STXBP6: variants seen among roughly 807,000 people sequenced by gnomAD.
STXBP6 encodes the protein syntaxin binding protein 6.
Under a neutral mutation model 26.9 loss-of-function variants are expected in STXBP6, and 21 were observed. That is an observed-to-expected ratio of 0.78 (90% confidence interval 0.55 to 1.12). STXBP6 has a LOEUF of 1.12. Ranked by LOEUF, STXBP6 falls within the 50% of genes most tolerant of loss-of-function variation. The probability of loss-of-function intolerance (pLI) is 0.00; values close to 1 mark genes in which losing one functional copy is unlikely to be tolerated. For missense variants in STXBP6, 232 were observed against 257.9 expected (o/e 0.90, Z 0.69); for synonymous variants, 97 against 92.6 (o/e 1.05, Z -0.27).
intron 2 of STXBP6, among the ~76,000 whole-genome samples, chr14:24,866,470 C>T (rs1161955656): frequency 6.6e-6 from 1 of 151,880 alleles, no homozygotes; most frequent in Admixed American, 6.6e-5. Context: ...TATATACACT[C>T]ATTCTATTGG....
At chr14:24,881,995 C>A (rs1056711396) in intron 2 of STXBP6, among the ~76,000 whole-genome samples, 1 of 152,102 alleles carries the variant, frequency 6.6e-6, no homozygotes, top group Admixed American at 6.5e-5. Context: ...GCAGGGCCCT[C>A]CTCTCACTAT....
chr14:24,983,200 C>T (rs1244243410), intron 1 of STXBP6, among the ~76,000 whole-genome samples: 2 of 152,104 alleles, frequency 1.3e-5, no homozygotes, highest in Admixed American at 6.5e-5. Context: ...GTGAATTGAA[C>T]CACATCAAAA....
chr14:24,875,169 CT>C (rs758717408), intron 2 of STXBP6, among the ~76,000 whole-genome samples: 1 of 152,114 alleles, frequency 6.6e-6, no homozygotes, highest in Non-Finnish European at 1.5e-5. Context: ...CCCATTCTGC[CT>C]ACCTGTCCAT....
intron 5 of STXBP6, 98 bp from the exon 6 acceptor site, chr14:24,812,830 G>A: frequency 8.6e-7 from 1 of 1,169,586 alleles, no homozygotes; most frequent in South Asian, 1.3e-5. Flanking sequence ...ACAATGAGAA[G>A]CAGCACCAAG....
At chr14:25,018,541 CTCTA>C (rs1430076212) in intron 1 of STXBP6, among the ~76,000 whole-genome samples, 1 of 152,204 alleles carries the variant, frequency 6.6e-6, no homozygotes, top group Non-Finnish European at 1.5e-5. Context: ...TCTCCTGACA[CTCTA>C]TCTCTTTCTC....
At chr14:24,988,795 G>C (rs551023626) in intron 1 of STXBP6, among the ~76,000 whole-genome samples, 1 of 152,282 alleles carries the variant, frequency 6.6e-6, no homozygotes, top group Non-Finnish European at 1.5e-5. Context: ...AACCCTTGTA[G>C]AAGAGCAAGA....
chr14:24,877,998 T>C (rs567509973), intron 2 of STXBP6, among the ~76,000 whole-genome samples: 1 of 152,146 alleles, frequency 6.6e-6, no homozygotes, highest in Non-Finnish European at 1.5e-5. Flanking sequence ...TTTGTCTTAT[T>C]ATTGGTGAGG....
rs551964358 is a variant in STXBP6 at position 24,870,448 on chromosome 14, A to C, written c.155-13291T>G. Among the ~76,000 whole-genome samples the C allele has an allele frequency of 8.5e-5, 13 of 152,300 alleles. No homozygotes were observed. The South Asian group carries it at 2.7e-3, about 32-fold the overall frequency. The stretch of plus-strand genomic sequence containing the variant: ...GTACGGTTTGTACTTCTGCCTATGT[A>C]ATCAAGGTAATACAGAGTTATAGAG... On this transcript the variant is annotated intron_variant, in intron 2 of 5. Transcript: ENST00000323944.
intron 4 of STXBP6, among the ~76,000 whole-genome samples, chr14:24,831,567 G>A (rs2068454085): frequency 6.6e-6 from 1 of 152,152 alleles, no homozygotes; most frequent in Non-Finnish European, 1.5e-5. Flanking sequence ...TTTGTACTAA[G>A]ACAATAATAT....
At chr14:25,038,929 A>G (rs780312622) in intron 1 of STXBP6, among the ~76,000 whole-genome samples, 3 of 152,210 alleles carry the variant, frequency 2.0e-5, no homozygotes, top group Admixed American at 6.5e-5. Context: ...AGAAATGAAT[A>G]CATTTAGACC....
chr14:24,989,941 T>G (rs1322490736), intron 1 of STXBP6, among the ~76,000 whole-genome samples: 1 of 152,212 alleles, frequency 6.6e-6, no homozygotes, highest in Non-Finnish European at 1.5e-5. Flanking sequence ...GGTTGCAGAA[T>G]GGTTCAAATG....
At chr14:24,897,945 G>T (rs1437373424) in intron 2 of STXBP6, among the ~76,000 whole-genome samples, 1 of 152,126 alleles carries the variant, frequency 6.6e-6, no homozygotes, top group Non-Finnish European at 1.5e-5. Context: ...ATAAACAAAG[G>T]GTATAATGCT....
intron 2 of STXBP6, among the ~76,000 whole-genome samples, chr14:24,941,890 A>G (rs1246422791): frequency 6.6e-6 from 1 of 152,248 alleles, no homozygotes; most frequent in African/African-American, 2.4e-5. Flanking sequence ...GCCTGTGAGT[A>G]GCAGTTACAG....
chr14:24,813,027 G>GA (rs1253832972), intron 5 of STXBP6, among the ~76,000 whole-genome samples: 1 of 152,084 alleles, frequency 6.6e-6, no homozygotes, highest in Non-Finnish European at 1.5e-5. Context: ...AGGAACAAAT[G>GA]AAAAAACCAA....
rs76732339 is a variant in STXBP6, at chr14:24,820,498, A to G, written c.452-1304T>C. Among the ~76,000 whole-genome samples the G allele has an allele frequency of 7.1e-3, 1,076 of 152,362 alleles. 14 individuals are homozygous for G. The highest frequency in any genetic ancestry group is 0.024 in the African/African-American group (1,012 of 41,584). On this transcript the variant is annotated intron_variant, in intron 4 of 5. Coordinates refer to ENST00000323944, the MANE Select transcript of STXBP6 (RefSeq NM_001394410.1). The stretch of plus-strand genomic sequence containing the variant: ...GTTACTCAGTTGCATCAAGCACTAC[A>G]TGAACCAAGATAAATCAGCACAGAT...
chr14:24,949,260 C>T (rs1268762374), intron 2 of STXBP6, among the ~76,000 whole-genome samples: 1 of 152,122 alleles, frequency 6.6e-6, no homozygotes, highest in Admixed American at 6.6e-5. Flanking sequence ...AATGCCTGAG[C>T]CAGAAGGGGA....
chr14:24,916,783 C>A (rs1463472607), intron 2 of STXBP6, among the ~76,000 whole-genome samples: 1 of 152,074 alleles, frequency 6.6e-6, no homozygotes, highest in Non-Finnish European at 1.5e-5. Context: ...AATGTGGAAT[C>A]TCAGGCTTCA....
intron 2 of STXBP6, among the ~76,000 whole-genome samples, chr14:24,914,727 C>T (rs1024368972): frequency 6.6e-6 from 1 of 152,084 alleles, no homozygotes; most frequent in Non-Finnish European, 1.5e-5. Flanking sequence ...ATTTAAGATG[C>T]ACATCAGAAA....
chr14:24,919,257 T>C (rs934218153), intron 2 of STXBP6, among the ~76,000 whole-genome samples: 14 of 152,008 alleles, frequency 9.2e-5, no homozygotes, highest in African/African-American at 3.4e-4. Flanking sequence ...CCAAGTCTCA[T>C]TCTGGCATGG....
Sources: allele counts gnomAD v4.1 joint callset (sites outside exome capture counted in the v4.1 genomes callset), GRCh38; gene constraint gnomAD v4.1.1; transcripts MANE v1.5; gene names NCBI Gene and HGNC (gene_info 2026-07-23, HGNC 2026-07-21).